The following ANXA3 variants were observed in gnomAD, a reference collection of about 807,000 sequenced individuals.
ANXA3 encodes 35-alpha calcimedin.
In ANXA3, 46 loss-of-function variants were observed where a neutral mutation model predicts 48.8. That is an observed-to-expected ratio of 0.94 (90% CI 0.74 to 1.21). The LOEUF is 1.21. ANXA3 is among the 50% of genes most tolerant of loss of function. The probability of loss-of-function intolerance (pLI) is 0.00; values close to 1 mark genes in which losing one functional copy is unlikely to be tolerated. For synonymous variants in ANXA3, 128 were observed against 134.7 expected (o/e 0.95, Z 0.35); for missense variants, 383 against 378.6 (o/e 1.01, Z -0.10).
intron 5 of ANXA3, among the ~76,000 whole-genome samples, chr4:78,583,607 G>C (rs1301358480): frequency 6.7e-6 from 1 of 149,840 alleles, no homozygotes; most frequent in East Asian, 2.0e-4. Flanking sequence ...CTGGGATGCT[G>C]TCTCAGAAAA....
chr4:78,582,321 AG>A, intron 5 of ANXA3, 31 bp downstream of exon 5: 1 of 1,473,364 alleles, frequency 6.8e-7, no homozygotes, highest in Non-Finnish European at 9.5e-7. Context: ...ATTTCTGCCC[AG>A]GGTTTGACCA....
In ANXA3 at chr4:78,553,130, C is replaced by A. The variant is rs751587382; in HGVS notation, c.-39+1271C>A. ...ATTTGGTCAGGTGTGGGCCAGGCAGCAGATTAAGGCAGAAGCATGGGGGTT... is the reference window on the plus strand; with the variant it reads ...ATTTGGTCAGGTGTGGGCCAGGCAGAAGATTAAGGCAGAAGCATGGGGGTT... On this transcript the variant is annotated intron_variant, in intron 1 of 12. Coordinates refer to ENST00000264908, the MANE Select transcript of ANXA3 (RefSeq NM_005139.3). Among the ~76,000 whole-genome samples, 3 of 152,258 alleles carry A rather than the reference C, an allele frequency of 2.0e-5. No individual in the cohort carries two copies. In the East Asian group the frequency reaches 5.8e-4, roughly 29 times the overall value.
Position 78,601,496 on chromosome 4 carries a change from G to A in ANXA3, c.731-14G>A, listed in dbSNP as rs747216886. 1.2e-6 allele frequency: 2 copies of A among 1,612,890 alleles called. No individual in the cohort carries two copies. The highest frequency in any genetic ancestry group is 1.7e-6 in the Non-Finnish European group (2 of 1,179,052). On this transcript the variant is annotated splice_polypyrimidine_tract_variant and intron_variant, in intron 10 of 12. Coordinates refer to ENST00000264908, the MANE Select transcript of ANXA3 (RefSeq NM_005139.3). ...TATTCCGTGAAGCTGAACATTATTT[G>A]CTTTTTGTTACAGTTAATTGTGTGA...
At chr4:78,605,607 T>C (rs1483991510) in intron 12 of ANXA3, among the ~76,000 whole-genome samples, 1 of 152,184 alleles carries the variant, frequency 6.6e-6, no homozygotes, top group African/African-American at 2.4e-5. Context: ...TTAATTAAAT[T>C]TATCAATCTT....
At chr4:78,608,889 C>G (rs1723703620) in intron 12 of ANXA3, among the ~76,000 whole-genome samples, 1 of 152,100 alleles carries the variant, frequency 6.6e-6, no homozygotes, top group Non-Finnish European at 1.5e-5. Flanking sequence ...GATGTATTTT[C>G]TTGACTAACT....
At chr4:78,597,468 T>C (rs1375418790) in intron 10 of ANXA3, 54 bp downstream of exon 10, 3 of 1,172,642 alleles carry the variant, frequency 2.6e-6, no homozygotes, top group East Asian at 2.4e-5. Context: ...TTTAACTCAG[T>C]GCCGAGGCCT....
chr4:78,585,317 C>T (rs1723148972), intron 5 of ANXA3, among the ~76,000 whole-genome samples: 2 of 152,226 alleles, frequency 1.3e-5, no homozygotes, highest in Admixed American at 1.3e-4. Context: ...CTCCTTCTAT[C>T]TTGAGGCTCT....
intron 2 of ANXA3, among the ~76,000 whole-genome samples, chr4:78,559,434 G>C (rs1722583330): frequency 6.6e-6 from 1 of 152,208 alleles, no homozygotes; most frequent in South Asian, 2.1e-4. Flanking sequence ...ACCATGAACT[G>C]TTAGTAACAT....
At chr4:78,579,508 G>A (rs114227803) in intron 4 of ANXA3, among the ~76,000 whole-genome samples, 2,475 of 152,320 alleles carry the variant, frequency 0.016, 29 homozygotes, top group Middle Eastern at 0.034. Flanking sequence ...AAGCATCTGA[G>A]AATGCGCAAG....
At chr4:78,567,054 G>A (rs1722746336) in intron 2 of ANXA3, among the ~76,000 whole-genome samples, 1 of 152,152 alleles carries the variant, frequency 6.6e-6, no homozygotes, top group African/African-American at 2.4e-5. Context: ...GTGGTGGGAG[G>A]CTTCTGTTTG....
At position 78,573,044 on chromosome 4, in the gene ANXA3, C is replaced by G. The variant is rs759125366; in HGVS notation, c.16-136C>G. The G allele has an allele frequency of 1.6e-5, 12 of 770,936 alleles. No homozygotes were observed. The African/African-American group carries it at 2.0e-4, about 13-fold the overall frequency. 47.8% of individuals were successfully genotyped at this position (770,936 alleles called of 1,614,324 possible). ...TAATTTTCCAAAGGCAATTTCAGAG[C>G]CACTCCTGAAGTGGTAGGAAGGTGT... On this transcript the variant is annotated intron_variant, in intron 2 of 12. Transcript: ENST00000264908.
At chr4:78,572,174 T>C in intron 2 of ANXA3, among the ~76,000 whole-genome samples, 1 of 152,236 alleles carries the variant, frequency 6.6e-6, no homozygotes. Context: ...AAAACAAATT[T>C]TCTTCAGTGT....
intron 7 of ANXA3, among the ~76,000 whole-genome samples, chr4:78,592,382 C>A (rs1349398176): frequency 2.6e-5 from 4 of 152,170 alleles, no homozygotes; most frequent in Non-Finnish European, 4.4e-5. Context: ...CAGCACCTGT[C>A]AAAGTGAGGC....
At chr4:78,558,703 T>A (rs1194074352) in intron 2 of ANXA3, among the ~76,000 whole-genome samples, 1 of 152,226 alleles carries the variant, frequency 6.6e-6, no homozygotes, top group African/African-American at 2.4e-5. Flanking sequence ...GTATTTCCTT[T>A]GTTTGCAAAT....
Position 78,594,449 on chromosome 4 carries a change from A to T in ANXA3, c.484-932A>T, listed in dbSNP as rs1723371138. Among the ~76,000 whole-genome samples, 4 of 152,208 alleles carry T rather than the reference A, an allele frequency of 2.6e-5. No individual in the cohort carries two copies. The South Asian group carries it at 8.3e-4, about 31-fold the overall frequency. ...TAGTAAGAGATATTTAGCTTTATTA[A>T]AAAACTGCAGAACTGTCTTCCAAAG... On this transcript the variant is annotated intron_variant, in intron 7 of 12. Coordinates refer to ENST00000264908, the MANE Select transcript of ANXA3 (RefSeq NM_005139.3).
In ANXA3 at chr4:78,573,160, T is replaced by A; in HGVS notation, c.16-20T>A. ...AGATGTCATTTTGAACCAATGGGAC[T>A]TTCAAGTATTTCCTTCTAGGTTGGA... is the stretch of plus-strand genomic sequence containing the variant. On this transcript the variant is annotated intron_variant, in intron 2 of 12. Transcript: ENST00000264908. The A allele has an allele frequency of 6.4e-7, 1 of 1,569,340 alleles. No individual in the cohort carries two copies. The highest frequency in any genetic ancestry group is 8.8e-7 in the Non-Finnish European group (1 of 1,139,820).
chr4:78,554,599 A>G, intron 2 of ANXA3, 111 bp downstream of exon 2: 1 of 887,928 alleles, frequency 1.1e-6, no homozygotes. Context: ...TTTATCTGGC[A>G]AAATTAACAT....
At chr4:78,554,536 A>G (rs1241207265) in intron 2 of ANXA3, 48 bp downstream of exon 2, 1 of 1,568,670 alleles carries the variant, frequency 6.4e-7, no homozygotes, top group Non-Finnish European at 8.8e-7. Flanking sequence ...TATGAGTCAA[A>G]CCAAAACACA....
chr4:78,592,124 G>A (rs1471232295), intron 7 of ANXA3, among the ~76,000 whole-genome samples: 1 of 152,120 alleles, frequency 6.6e-6, no homozygotes, highest in Non-Finnish European at 1.5e-5. Context: ...TTTCAGCCTT[G>A]CCACCTTGGA....
Sources: gnomAD v4.1 joint callset for allele counts (sites outside exome capture counted in the v4.1 genomes callset) on GRCh38, gnomAD v4.1.1 for gene constraint, MANE v1.5 for transcripts, NCBI Gene and HGNC (gene_info 2026-07-23, HGNC 2026-07-21) for gene names.